Variants in PCCA observed in about 807,000 individuals in gnomAD.
The protein encoded by PCCA is propionyl-CoA carboxylase subunit alpha.
A neutral mutation model predicts 101.3 loss-of-function variants in PCCA; 74 were observed. That is an observed-to-expected ratio of 0.73 (90% CI 0.61 to 0.89). The LOEUF (loss-of-function observed/expected upper bound fraction) is 0.89, where lower values mean the gene tolerates loss of function less well. PCCA is among the 40% of genes least tolerant of loss of function. PCCA has a pLI of 0.00. For missense variants in PCCA, 891 were observed against 907.0 expected (o/e 0.98, Z 0.23); for synonymous variants, 294 against 313.6 (o/e 0.94, Z 0.66).
At chr13:100,328,153 A>G (rs1231898395) in intron 16 of PCCA, among the ~76,000 whole-genome samples, 3 of 152,140 alleles carry the variant, frequency 2.0e-5, no homozygotes, top group Admixed American at 2.0e-4. Context: ...TCACGAGGTC[A>G]GGAGATCGAG....
intron 21 of PCCA, among the ~76,000 whole-genome samples, chr13:100,452,133 C>G (rs1283386354): frequency 1.4e-5 from 2 of 143,562 alleles, no homozygotes; most frequent in Non-Finnish European, 3.1e-5. Context: ...TCCTCTCCCT[C>G]TCTCTCCTCT....
intron 7 of PCCA, among the ~76,000 whole-genome samples, chr13:100,222,724 C>T (rs1266048800): frequency 6.6e-6 from 1 of 152,190 alleles, no homozygotes; most frequent in East Asian, 1.9e-4. Context: ...AATTAGTCTA[C>T]AGTGTTTTTA....
chr13:100,404,497 G>C (rs555429809), intron 19 of PCCA, among the ~76,000 whole-genome samples: 1 of 152,144 alleles, frequency 6.6e-6, no homozygotes, highest in Admixed American at 6.5e-5. Context: ...AGGAGTCCTG[G>C]GGGTCCCGGA....
chr13:100,231,975 A>G (rs1233486398), intron 7 of PCCA, among the ~76,000 whole-genome samples: 3 of 152,170 alleles, frequency 2.0e-5, no homozygotes, highest in Non-Finnish European at 2.9e-5. Context: ...AGGTAAGGTC[A>G]TACGCTATGT....
At chr13:100,090,013 T>C (rs2046132883) in intron 1 of PCCA, among the ~76,000 whole-genome samples, 1 of 152,210 alleles carries the variant, frequency 6.6e-6, no homozygotes, top group Non-Finnish European at 1.5e-5. Context: ...CTTTATAAGG[T>C]TTGTTGAGGC....
intron 19 of PCCA, among the ~76,000 whole-genome samples, chr13:100,378,025 T>C (rs973650961): frequency 6.6e-6 from 1 of 152,212 alleles, no homozygotes; most frequent in Admixed American, 6.5e-5. Flanking sequence ...GTAGGTTTTA[T>C]ACTTGCACGT....
rs145007329 is a variant in PCCA at position 100,492,101 on chromosome 13, G to T, written c.1900-23326G>T. On this transcript the variant is annotated intron_variant, in intron 21 of 23. Transcript: ENST00000376285. ...AGAAGCCGCAGTCCCTGCCCCACAG[G>T]GGCTGCTTAGATTGCTTAGATGGAT... Among the ~76,000 whole-genome samples, 663 of 152,158 alleles carry T rather than the reference G, an allele frequency of 4.4e-3. 33 individuals are homozygous for T. The East Asian group carries it at 0.099, about 23-fold the overall frequency.
chr13:100,133,175 G>A (rs1322415692), intron 4 of PCCA, among the ~76,000 whole-genome samples: 1 of 152,180 alleles, frequency 6.6e-6, no homozygotes, highest in African/African-American at 2.4e-5. Context: ...TTCTTCTCAT[G>A]TGCTTATTTG....
intron 6 of PCCA, 147 bp from the exon 7 acceptor site, chr13:100,209,185 A>G: frequency 1.5e-6 from 1 of 672,664 alleles, no homozygotes; most frequent in Non-Finnish European, 2.6e-6. Flanking sequence ...GCAATATAGT[A>G]TTTTAATGTG....
At chr13:100,148,355 G>A (rs1013103394) in intron 4 of PCCA, among the ~76,000 whole-genome samples, 1 of 152,048 alleles carries the variant, frequency 6.6e-6, no homozygotes, top group African/African-American at 2.4e-5. Flanking sequence ...TCATCTCTTG[G>A]CTGTCACTCT....
At chr13:100,395,635 TTAAA>T (rs531335491) in intron 19 of PCCA, among the ~76,000 whole-genome samples, 34 of 152,338 alleles carry the variant, frequency 2.2e-4, no homozygotes, top group Non-Finnish European at 3.8e-4. Context: ...TTTGTGTAAA[TTAAA>T]TAATTTTTTA....
chr13:100,189,249 G>C (rs1283509518), intron 6 of PCCA, among the ~76,000 whole-genome samples: 3 of 152,122 alleles, frequency 2.0e-5, no homozygotes, highest in Non-Finnish European at 4.4e-5. Flanking sequence ...GTATTCCATG[G>C]TATATGTATG....
Position 100,193,525 on chromosome 13 carries a change from C to A in PCCA, c.469-15807C>A, listed in dbSNP as rs952173345. Among the ~76,000 whole-genome samples the A allele has an allele frequency of 2.0e-5, 3 of 152,102 alleles. No individual in the cohort carries two copies. In the East Asian group the frequency reaches 5.8e-4, roughly 29 times the overall value. ...TAATAAAGTGAGACTTAATACAGTG[C>A]TTTTAAATAGTATGAAATAAGTAAA... On this transcript the variant is annotated intron_variant, in intron 6 of 23. Coordinates refer to ENST00000376285, the MANE Select transcript of PCCA (RefSeq NM_000282.4).
At chr13:100,486,023 G>A (rs1217520167) in intron 21 of PCCA, among the ~76,000 whole-genome samples, 2 of 152,170 alleles carry the variant, frequency 1.3e-5, no homozygotes, top group East Asian at 1.9e-4. Flanking sequence ...GCCCACTGGG[G>A]CTTTCATTCC....
intron 21 of PCCA, among the ~76,000 whole-genome samples, chr13:100,514,350 C>T (rs1234281658): frequency 6.6e-6 from 1 of 152,158 alleles, no homozygotes; most frequent in Non-Finnish European, 1.5e-5. Context: ...CGTCCCCATG[C>T]AGAATTAAAG....
At chr13:100,251,764 T>A (rs183234696) in intron 8 of PCCA, among the ~76,000 whole-genome samples, 1 of 152,360 alleles carries the variant, frequency 6.6e-6, no homozygotes, top group African/African-American at 2.4e-5. Context: ...ATTGACTTTT[T>A]ATTTTACTTT....
intron 23 of PCCA, among the ~76,000 whole-genome samples, chr13:100,529,880 C>T (rs1177678911): frequency 2.6e-5 from 4 of 152,140 alleles, no homozygotes; most frequent in Admixed American, 6.5e-5. Flanking sequence ...ACAGAGGAGA[C>T]GGGAAAGGGG....
rs545224659 is a variant in PCCA, at chr13:100,485,977, C to T, written c.1900-29450C>T. Among the ~76,000 whole-genome samples the T allele has an allele frequency of 2.0e-5, 3 of 152,330 alleles. No homozygotes were observed. The South Asian group carries it at 6.2e-4, about 32-fold the overall frequency. ...CTCATCCTAGTGCAGTCCCGTTAGT[C>T]TACCTGAGCTCCCCCTAACACAGGA... On this transcript the variant is annotated intron_variant, in intron 21 of 23. Transcript: ENST00000376285.
intron 21 of PCCA, among the ~76,000 whole-genome samples, chr13:100,486,873 C>T (rs117596581): frequency 5.9e-5 from 9 of 152,140 alleles, no homozygotes; most frequent in Admixed American, 1.3e-4. Context: ...GAGCTGTGAT[C>T]GTACCACTGC....
Sources: allele counts gnomAD v4.1 joint callset (sites outside exome capture counted in the v4.1 genomes callset), GRCh38; gene constraint gnomAD v4.1.1; transcripts MANE v1.5; gene names NCBI Gene and HGNC (gene_info 2026-07-23, HGNC 2026-07-21).